The following GMDS variants were observed in gnomAD, a reference collection of about 807,000 sequenced individuals.
The protein encoded by GMDS is GDP-mannose 4,6-dehydratase.
Under a neutral mutation model 49.9 loss-of-function variants are expected in GMDS, and 20 were observed. The ratio of observed to expected loss-of-function variants is 0.40; its 90% CI spans 0.28 to 0.58. The LOEUF (loss-of-function observed/expected upper bound fraction) is 0.58, where lower values mean the gene tolerates loss of function less well. Ranked by LOEUF, GMDS falls within the 20% of genes least tolerant of loss-of-function variation. The pLI, the probability that GMDS is intolerant of heterozygous loss-of-function variation, is 0.42. For synonymous variants in GMDS, 177 were observed against 178.6 expected (o/e 0.99, Z 0.07); for missense variants, 362 against 481.4 (o/e 0.75, Z 2.32).
At chr6:1,639,762 C>T (rs942305731) in intron 9 of GMDS, among the ~76,000 whole-genome samples, 1 of 152,208 alleles carries the variant, frequency 6.6e-6, no homozygotes, top group Non-Finnish European at 1.5e-5. Context: ...CCTGTAGGCT[C>T]AGCTACTTGG....
intron 8 of GMDS, among the ~76,000 whole-genome samples, chr6:1,740,109 G>A (rs1275088295): frequency 6.6e-6 from 1 of 151,972 alleles, no homozygotes; most frequent in Non-Finnish European, 1.5e-5. Flanking sequence ...AAGATGTTAT[G>A]CTTACATCTT....
intron 6 of GMDS, among the ~76,000 whole-genome samples, chr6:1,948,840 A>G (rs1397258212): frequency 2.6e-5 from 4 of 152,192 alleles, no homozygotes; most frequent in African/African-American, 9.6e-5. Context: ...TGATTCCAGC[A>G]ATTCTTCAAT....
intron 4 of GMDS, among the ~76,000 whole-genome samples, chr6:2,057,339 C>G (rs1490682515): frequency 6.6e-6 from 1 of 152,226 alleles, no homozygotes; most frequent in Non-Finnish European, 1.5e-5. Context: ...CAAATAATTA[C>G]TAAATGAATG....
At chr6:1,746,687 AGTTTT>A (rs1024150120) in intron 7 of GMDS, among the ~76,000 whole-genome samples, 1 of 121,920 alleles carries the variant, frequency 8.2e-6, no homozygotes, top group Non-Finnish European at 1.7e-5. Context: ...ATAAAACTTT[AGTTTT>A]ATTTATTTAT....
chr6:2,097,019 A>G (rs1282959674), intron 4 of GMDS, among the ~76,000 whole-genome samples: 1 of 152,146 alleles, frequency 6.6e-6, no homozygotes, highest in Non-Finnish European at 1.5e-5. Context: ...TATATATACT[A>G]ACAGACAATG....
intron 1 of GMDS, among the ~76,000 whole-genome samples, chr6:2,202,225 A>G (rs1338014089): frequency 3.0e-4 from 43 of 141,236 alleles, no homozygotes; most frequent in Admixed American, 1.8e-3. Flanking sequence ...ATGTTAGCAG[A>G]GAGGTGAAGG....
chr6:1,835,187 T>C (rs1411623226), intron 7 of GMDS, among the ~76,000 whole-genome samples: 2 of 152,158 alleles, frequency 1.3e-5, no homozygotes, highest in East Asian at 1.9e-4. Context: ...GAAGTTTTCC[T>C]TGAGGACATG....
At chr6:1,904,216 AAATGT>A (rs1220779670) in intron 7 of GMDS, among the ~76,000 whole-genome samples, 2 of 152,216 alleles carry the variant, frequency 1.3e-5, no homozygotes, top group African/African-American at 4.8e-5. Flanking sequence ...CAGACAAAAT[AAATGT>A]AATCACAGAG....
intron 4 of GMDS, among the ~76,000 whole-genome samples, chr6:1,968,550 G>A (rs1177993063): frequency 3.3e-5 from 5 of 152,018 alleles, no homozygotes; most frequent in African/African-American, 7.3e-5. Context: ...CCAATTCCTC[G>A]CCTTGGTCCT....
chr6:1,890,303 C>T (rs942409084), intron 7 of GMDS, among the ~76,000 whole-genome samples: 2 of 152,154 alleles, frequency 1.3e-5, no homozygotes, highest in Non-Finnish European at 2.9e-5. Context: ...TGGTTTTGAG[C>T]GGCATTTCCT....
chr6:1,719,734 A>G (rs1264548226), intron 9 of GMDS, among the ~76,000 whole-genome samples: 1 of 152,214 alleles, frequency 6.6e-6, no homozygotes, highest in East Asian at 1.9e-4. Flanking sequence ...TGGATCTCTC[A>G]TAAGTAATTC....
At chr6:1,924,477 A>G (rs1761892328) in intron 7 of GMDS, among the ~76,000 whole-genome samples, 1 of 152,212 alleles carries the variant, frequency 6.6e-6, no homozygotes, top group Admixed American at 6.5e-5. Context: ...CTGTCTCCCA[A>G]GAGCAAGGGG....
intron 1 of GMDS, among the ~76,000 whole-genome samples, chr6:2,166,708 C>A (rs1777687671): frequency 6.6e-6 from 1 of 152,198 alleles, no homozygotes; most frequent in South Asian, 2.1e-4. Flanking sequence ...CTATCTTACT[C>A]CAAAAGCATG....
chr6:2,135,825 TTAA>T (rs1775968042), intron 1 of GMDS, among the ~76,000 whole-genome samples: 1 of 152,216 alleles, frequency 6.6e-6, no homozygotes, highest in Admixed American at 6.5e-5. Flanking sequence ...TATGCACATG[TTAA>T]TAAAAAATTA....
At chr6:1,692,182 T>C (rs537774378) in intron 9 of GMDS, among the ~76,000 whole-genome samples, 2 of 152,376 alleles carry the variant, frequency 1.3e-5, no homozygotes, top group South Asian at 2.1e-4. Context: ...TACTAGTGAT[T>C]TGCCAGGGGC....
intron 7 of GMDS, among the ~76,000 whole-genome samples, chr6:1,871,064 AC>A (rs1308416083): frequency 6.9e-5 from 10 of 145,060 alleles, no homozygotes; most frequent in African/African-American, 2.9e-4. Flanking sequence ...CCCAGCACAC[AC>A]ACACACACAC....
chr6:1,877,631 C>G (rs1449650592), intron 7 of GMDS, among the ~76,000 whole-genome samples: 1 of 140,438 alleles, frequency 7.1e-6, no homozygotes, highest in Non-Finnish European at 1.5e-5. Flanking sequence ...GAGTGAGACC[C>G]CATCTCAAAA....
At chr6:2,218,787 A>G (rs1314129324) in intron 1 of GMDS, among the ~76,000 whole-genome samples, 1 of 152,206 alleles carries the variant, frequency 6.6e-6, no homozygotes, top group Non-Finnish European at 1.5e-5. Context: ...AACAACCCTG[A>G]AATTAGAGTT....
chr6:1,721,185 T>A (rs936305889), intron 9 of GMDS, among the ~76,000 whole-genome samples: 3 of 151,660 alleles, frequency 2.0e-5, no homozygotes, highest in Non-Finnish European at 4.4e-5. Flanking sequence ...AGGAAAAGTT[T>A]GCGGGGGGTG....
Sources: allele counts gnomAD v4.1 joint callset (sites outside exome capture counted in the v4.1 genomes callset), GRCh38; gene constraint gnomAD v4.1.1; transcripts MANE v1.5; gene names NCBI Gene and HGNC (gene_info 2026-07-23, HGNC 2026-07-21).